The following PREX2 variants were observed in gnomAD, a reference collection of about 807,000 sequenced individuals.
PREX2 encodes phosphatidylinositol-3,4,5-trisphosphate dependent Rac exchange factor 2.
Under a neutral mutation model 203.2 loss-of-function variants are expected in PREX2, and 107 were observed. That is an observed-to-expected ratio of 0.53 (90% CI 0.45 to 0.62). PREX2 has a LOEUF of 0.62. Ranked by LOEUF, PREX2 falls within the 20% of genes least tolerant of loss-of-function variation. The pLI, the probability that PREX2 is intolerant of heterozygous loss-of-function variation, is 0.00. For missense variants in PREX2, 1,777 were observed against 1,955.9 expected, an observed-to-expected ratio of 0.91 and a Z score of 1.72; for synonymous variants, 672 against 663.6, an observed-to-expected ratio of 1.01 and a Z score of -0.19.
At chr8:68,165,935 CA>C (rs2129614110) in intron 35 of PREX2, among the ~76,000 whole-genome samples, 1 of 152,182 alleles carries the variant, frequency 6.6e-6, no homozygotes, top group South Asian at 2.1e-4. Context: ...GCCCAAATTT[CA>C]AAAATAGGAA....
At chr8:67,969,346 G>A (rs151095559) in intron 1 of PREX2, among the ~76,000 whole-genome samples, 1 of 152,208 alleles carries the variant, frequency 6.6e-6, no homozygotes, top group East Asian at 1.9e-4. Context: ...GAGAAATGTC[G>A]TTGCTGTTGC....
At chr8:68,103,847 C>T (rs1450591300) in intron 23 of PREX2, among the ~76,000 whole-genome samples, 2 of 152,112 alleles carry the variant, frequency 1.3e-5, no homozygotes, top group African/African-American at 4.8e-5. Flanking sequence ...CTTCCCTTTC[C>T]TTGGTAAAGC....
chr8:68,030,753 A>AT, intron 6 of PREX2, 95 bp downstream of exon 6: 3 of 1,156,720 alleles, frequency 2.6e-6, no homozygotes, highest in Non-Finnish European at 2.5e-6. Flanking sequence ...ATAAATGGTC[A>AT]TTTTCTCAGA....
intron 21 of PREX2, among the ~76,000 whole-genome samples, chr8:68,094,454 A>G (rs150724433): frequency 0.011 from 1,743 of 152,320 alleles, 16 homozygotes; most frequent in Admixed American, 0.019. Flanking sequence ...GGCTCTGTTC[A>G]GTGGCTTCTT....
chr8:68,006,672 T>C (rs964879969), intron 1 of PREX2, among the ~76,000 whole-genome samples: 4 of 152,220 alleles, frequency 2.6e-5, no homozygotes, highest in African/African-American at 9.6e-5. Context: ...TTACATATTA[T>C]GTGCACGTTC....
intron 38 of PREX2, 104 bp from the exon 39 acceptor site, chr8:68,224,455 G>A (rs1017569535): frequency 2.6e-5 from 23 of 870,580 alleles, no homozygotes; most frequent in African/African-American, 1.6e-4. Flanking sequence ...CTCCCTTGAT[G>A]TTAAAGACAT....
At chr8:68,082,024 A>G (rs1427057350) in intron 17 of PREX2, among the ~76,000 whole-genome samples, 5 of 128,752 alleles carry the variant, frequency 3.9e-5, no homozygotes, top group Non-Finnish European at 8.5e-5. Context: ...AACAAAAAAA[A>G]CTTCTGATCA....
At chr8:68,052,002 G>A (rs973337364) in intron 8 of PREX2, among the ~76,000 whole-genome samples, 4 of 151,976 alleles carry the variant, frequency 2.6e-5, no homozygotes, top group Non-Finnish European at 5.9e-5. Context: ...TGGAGCTAAC[G>A]AAAAAGACTA....
chr8:68,159,258 T>C (rs1462798058), intron 35 of PREX2, among the ~76,000 whole-genome samples: 1 of 152,202 alleles, frequency 6.6e-6, no homozygotes, highest in Non-Finnish European at 1.5e-5. Context: ...TTCTGAAACA[T>C]TTTTTCTTTA....
intron 37 of PREX2, among the ~76,000 whole-genome samples, chr8:68,196,697 T>C (rs1348648034): frequency 6.7e-6 from 1 of 150,322 alleles, no homozygotes; most frequent in Non-Finnish European, 1.5e-5. Flanking sequence ...TTTCATGAGA[T>C]CTGCTTCTTT....
chr8:68,008,430 G>T (rs1048695555), intron 1 of PREX2, among the ~76,000 whole-genome samples: 1 of 113,530 alleles, frequency 8.8e-6, no homozygotes, highest in East Asian at 2.0e-4. Context: ...GACAATATTT[G>T]GTCATGAGAG....
Position 68,227,661 on chromosome 8 carries a change from C to T in PREX2, c.4775+3035C>T, listed in dbSNP as rs149339939. ...AGGACACCCTCAGGGGATGTCAGCA[C>T]TGAAGAGAAAGCAGAGGAAGCGGGG... On this transcript the variant is annotated intron_variant, in intron 39 of 39. Transcript: ENST00000288368. 2.5e-3 allele frequency among the ~76,000 whole-genome samples: 383 copies of T among 152,236 alleles called. 2 individuals are homozygous for T. The highest frequency in any genetic ancestry group is 8.8e-3 in the African/African-American group (364 of 41,538).
chr8:67,964,418 A>AATCC (rs2129017854), intron 1 of PREX2, among the ~76,000 whole-genome samples: 1 of 152,334 alleles, frequency 6.6e-6, no homozygotes, highest in Admixed American at 6.5e-5. Flanking sequence ...CCACATTTTG[A>AATCC]ATCCATTGAT....
intron 38 of PREX2, among the ~76,000 whole-genome samples, chr8:68,223,740 A>G (rs1314812464): frequency 6.6e-6 from 1 of 152,224 alleles, no homozygotes; most frequent in Non-Finnish European, 1.5e-5. Flanking sequence ...AGAATTTTTC[A>G]TTGCCAAAGT....
chr8:68,020,548 A>G (rs1251113572), intron 3 of PREX2, among the ~76,000 whole-genome samples: 1 of 152,180 alleles, frequency 6.6e-6, no homozygotes, highest in Non-Finnish European at 1.5e-5. Flanking sequence ...TAGTTTCAAA[A>G]TCTGTCTTTA....
At chr8:67,993,092 A>G (rs986340813) in intron 1 of PREX2, among the ~76,000 whole-genome samples, 6 of 152,122 alleles carry the variant, frequency 3.9e-5, no homozygotes, top group African/African-American at 1.4e-4. Flanking sequence ...TGAGGAAGAA[A>G]TGGTTATTTT....
chr8:68,073,103 A>G (rs1809247603), intron 14 of PREX2, among the ~76,000 whole-genome samples: 1 of 151,866 alleles, frequency 6.6e-6, no homozygotes, highest in South Asian at 2.1e-4. Flanking sequence ...TCATTCGCTT[A>G]TAAGTAAAAA....
chr8:68,118,417 C>A, intron 26 of PREX2, 133 bp from the exon 27 acceptor site: 4 of 560,568 alleles, frequency 7.1e-6, no homozygotes, highest in Non-Finnish European at 1.3e-5. Flanking sequence ...CTGAGTTGAA[C>A]AAGTTTATCT....
chr8:68,134,392 C>A, intron 32 of PREX2, 116 bp downstream of exon 32: 2 of 737,906 alleles, frequency 2.7e-6, no homozygotes, highest in Non-Finnish European at 4.5e-6. Context: ...AATGTGCGTG[C>A]ATTCAGCTAC....
Sources: gnomAD v4.1 joint callset for allele counts (sites outside exome capture counted in the v4.1 genomes callset) on GRCh38, gnomAD v4.1.1 for gene constraint, MANE v1.5 for transcripts, NCBI Gene and HGNC (gene_info 2026-07-23, HGNC 2026-07-21) for gene names.